The following AGMO variants were observed in gnomAD, a reference collection of about 807,000 sequenced individuals.
AGMO encodes the protein alkylglycerol monooxygenase.
A neutral mutation model predicts 60.2 loss-of-function variants in AGMO; 75 were observed. The ratio of observed to expected loss-of-function variants is 1.25; its 90% CI spans 1.03 to 1.51. AGMO has a LOEUF of 1.51. Ranked by LOEUF, AGMO falls within the 40% of genes most tolerant of loss-of-function variation. The probability of loss-of-function intolerance (pLI) is 0.00; values close to 1 mark genes in which losing one functional copy is unlikely to be tolerated. For missense variants in AGMO, 763 were observed against 525.5 expected, an observed-to-expected ratio of 1.45 and a Z score of -4.42; for synonymous variants, 261 against 177.1, an observed-to-expected ratio of 1.47 and a Z score of -3.76.
At chr7:15,142,606 T>C in the AGMO span, among the ~76,000 whole-genome samples, 2 of 152,220 alleles carry the variant, frequency 1.3e-5, no homozygotes, top group South Asian at 4.1e-4. Flanking sequence ...CATAAGCATG[T>C]TACCTAATTC....
intron 12 of AGMO, among the ~76,000 whole-genome samples, chr7:15,213,278 A>G (rs1781646552): frequency 6.6e-6 from 1 of 151,882 alleles, no homozygotes; most frequent in Non-Finnish European, 1.5e-5. Flanking sequence ...GCTGAGCACC[A>G]CGAAATGTGG....
chr7:15,159,015 T>A, the AGMO span, among the ~76,000 whole-genome samples: 1 of 152,218 alleles, frequency 6.6e-6, no homozygotes, highest in African/African-American at 2.4e-5. Context: ...AACTAATATG[T>A]GTATATCTCT....
intron 3 of AGMO, among the ~76,000 whole-genome samples, chr7:15,490,506 C>T (rs1308012871): frequency 6.6e-6 from 1 of 152,160 alleles, no homozygotes; most frequent in African/African-American, 2.4e-5. Context: ...AATACTCCCA[C>T]TCTTCTTCCT....
At chr7:15,339,569 T>A (rs1319993866) in intron 12 of AGMO, among the ~76,000 whole-genome samples, 1 of 152,184 alleles carries the variant, frequency 6.6e-6, no homozygotes, top group Non-Finnish European at 1.5e-5. Flanking sequence ...GAGTTTCCAT[T>A]ATTGAAAAAT....
chr7:15,465,589 T>TA (rs1562521264), intron 3 of AGMO, among the ~76,000 whole-genome samples: 41 of 145,370 alleles, frequency 2.8e-4, no homozygotes, highest in African/African-American at 1.0e-3. Context: ...GTCCGGCTAA[T>TA]TATATATATA....
intron 12 of AGMO, among the ~76,000 whole-genome samples, chr7:15,360,624 G>A (rs1442978283): frequency 6.6e-6 from 1 of 152,028 alleles, no homozygotes; most frequent in East Asian, 1.9e-4. Context: ...TATCTCAGGA[G>A]TGGCAGAGGT....
intron 12 of AGMO, among the ~76,000 whole-genome samples, chr7:15,225,973 G>A (rs1026113075): frequency 1.3e-5 from 2 of 151,794 alleles, no homozygotes; most frequent in African/African-American, 4.8e-5. Context: ...AATATTCATT[G>A]AAAAAATAAA....
intron 12 of AGMO, among the ~76,000 whole-genome samples, chr7:15,320,818 C>A (rs76609655): frequency 7.2e-4 from 110 of 152,234 alleles, no homozygotes; most frequent in African/African-American, 2.4e-3. Context: ...ACAAGGACCT[C>A]AAGTTGAAAC....
intron 12 of AGMO, among the ~76,000 whole-genome samples, chr7:15,212,524 T>C (rs190252191): frequency 6.6e-6 from 1 of 152,106 alleles, no homozygotes; most frequent in Non-Finnish European, 1.5e-5. Flanking sequence ...ATCTTTATAA[T>C]GTTGTCATTC....
intron 12 of AGMO, among the ~76,000 whole-genome samples, chr7:15,335,218 T>C (rs1781619829): frequency 1.3e-5 from 2 of 152,186 alleles, no homozygotes; most frequent in Admixed American, 6.5e-5. Flanking sequence ...TTCTTTTCTT[T>C]GATAGAGCTG....
At chr7:15,202,987 T>C (rs1781342847) in intron 12 of AGMO, among the ~76,000 whole-genome samples, 1 of 152,124 alleles carries the variant, frequency 6.6e-6, no homozygotes, top group Non-Finnish European at 1.5e-5. Flanking sequence ...AGTAAATAAT[T>C]TACTTTAGAT....
At chr7:15,339,018 G>A (rs1302188721) in intron 12 of AGMO, among the ~76,000 whole-genome samples, 1 of 152,272 alleles carries the variant, frequency 6.6e-6, no homozygotes. Context: ...TAAAGATCTT[G>A]GGTATTGGAA....
At chr7:15,223,563 T>G (rs1327655152) in intron 12 of AGMO, among the ~76,000 whole-genome samples, 1 of 151,872 alleles carries the variant, frequency 6.6e-6, no homozygotes, top group Non-Finnish European at 1.5e-5. Flanking sequence ...AAGGGAGAAA[T>G]ATTTTTTCCA....
At chr7:15,548,346 C>T (rs1281875056) in intron 2 of AGMO, among the ~76,000 whole-genome samples, 6 of 151,936 alleles carry the variant, frequency 3.9e-5, no homozygotes, top group Admixed American at 3.9e-4. Context: ...GAGAAGAAGG[C>T]TTCAGACGAT....
intron 5 of AGMO, among the ~76,000 whole-genome samples, chr7:15,401,661 C>T (rs1432462525): frequency 6.6e-6 from 1 of 152,060 alleles, no homozygotes; most frequent in Non-Finnish European, 1.5e-5. Flanking sequence ...AGAAAGAAGG[C>T]ATGCATCTAT....
intron 12 of AGMO, among the ~76,000 whole-genome samples, chr7:15,268,891 T>C (rs1180110633): frequency 2.6e-5 from 4 of 152,018 alleles, no homozygotes; most frequent in Non-Finnish European, 5.9e-5. Context: ...GAATGCATCT[T>C]ACTAGGACTT....
chr7:15,134,662 C>T, the AGMO span, among the ~76,000 whole-genome samples: 1 of 152,122 alleles, frequency 6.6e-6, no homozygotes, highest in South Asian at 2.1e-4. Flanking sequence ...TGTAGTATCC[C>T]ATGGTTATAT....
At chr7:15,422,219 A>G (rs188807976) in intron 4 of AGMO, among the ~76,000 whole-genome samples, 1 of 152,156 alleles carries the variant, frequency 6.6e-6, no homozygotes. Flanking sequence ...AAAAAAGGAG[A>G]CAGCTGGATG....
At chr7:15,341,147 C>T (rs551067448) in intron 12 of AGMO, among the ~76,000 whole-genome samples, 5 of 152,238 alleles carry the variant, frequency 3.3e-5, no homozygotes, top group African/African-American at 1.2e-4. Flanking sequence ...TGGTGATTAA[C>T]ATTTGGCTCC....
Sources: gnomAD v4.1 joint callset for allele counts (sites outside exome capture counted in the v4.1 genomes callset) on GRCh38, gnomAD v4.1.1 for gene constraint, MANE v1.5 for transcripts, NCBI Gene and HGNC (gene_info 2026-07-23, HGNC 2026-07-21) for gene names.